The following DNAH3 variants were observed in gnomAD, a reference collection of about 807,000 sequenced individuals.
DNAH3 encodes dynein axonemal heavy chain 3.
Under a neutral mutation model 432.5 loss-of-function variants are expected in DNAH3, and 332 were observed. The ratio of observed to expected loss-of-function variants is 0.77; its 90% CI spans 0.70 to 0.84. The LOEUF is 0.84. Among genes scored for constraint, DNAH3 ranks in the 40% least tolerant of loss-of-function variants. DNAH3 has a pLI of 0.00. For synonymous variants in DNAH3, 1,956 were observed against 1,900.2 expected (o/e 1.03, Z -0.76); for missense variants, 4,861 against 5,114.0 (o/e 0.95, Z 1.51).
exon 43 of DNAH3, chr16:21,000,319 G>A (rs2086957462): frequency 6.2e-7 from 1 of 1,614,170 alleles, no homozygotes; most frequent in Non-Finnish European, 8.5e-7. Context: ...GGTCTGATTG[G>A]CTGAGGTTCT....
chr16:21,050,125 T>A, intron 29 of DNAH3, 107 bp from the exon 30 acceptor site: 1 of 795,510 alleles, frequency 1.3e-6, no homozygotes, highest in Admixed American at 2.8e-5. Context: ...AGTGCAAAAG[T>A]GATTGCAGTT....
At chr16:21,126,755 C>T (rs955812818) in intron 8 of DNAH3, among the ~76,000 whole-genome samples, 8 of 152,040 alleles carry the variant, frequency 5.3e-5, no homozygotes, top group African/African-American at 7.2e-5. Context: ...TTTTTTTAAC[C>T]GCCTGAGCTC....
intron 50 of DNAH3, among the ~76,000 whole-genome samples, chr16:20,976,547 A>G (rs1246523836): frequency 1.3e-5 from 2 of 152,242 alleles, no homozygotes; most frequent in Non-Finnish European, 2.9e-5. Context: ...GAAAAAAGAC[A>G]GCTGAGATAG....
At chr16:21,068,648 T>C (rs1361727776) in intron 23 of DNAH3, among the ~76,000 whole-genome samples, 3 of 152,222 alleles carry the variant, frequency 2.0e-5, no homozygotes, top group Non-Finnish European at 4.4e-5. Flanking sequence ...AGAAATCATA[T>C]TCTTGCCACC....
chr16:21,026,330 A>C (rs1452500460), intron 38 of DNAH3, among the ~76,000 whole-genome samples: 3 of 152,222 alleles, frequency 2.0e-5, no homozygotes, highest in African/African-American at 4.8e-5. Flanking sequence ...TAAGCAAATT[A>C]ACGCAGGAAC....
At chr16:21,136,660 C>T (rs2092647426) in intron 5 of DNAH3, 147 bp from the exon 7 acceptor site, 1 of 729,164 alleles carries the variant, frequency 1.4e-6, no homozygotes, top group Admixed American at 2.4e-5. Flanking sequence ...GGGCCTGTCG[C>T]TTCACACTCA....
At chr16:21,134,687 TA>T (rs113026047) in intron 6 of DNAH3, among the ~76,000 whole-genome samples, 192 of 152,024 alleles carry the variant, frequency 1.3e-3, no homozygotes, top group African/African-American at 4.2e-3. Flanking sequence ...TTTATTTATT[TA>T]TTTATTTTTT....
At chr16:21,060,411 G>C in intron 25 of DNAH3, 55 bp from the exon 26 acceptor site, 1 of 1,379,192 alleles carries the variant, frequency 7.3e-7, no homozygotes, top group Non-Finnish European at 1.0e-6. Flanking sequence ...CAGAGGGAGG[G>C]AGAGTGGGCA....
intron 16 of DNAH3, chr16:21,104,250 A>G (rs2091899564): frequency 2.2e-6 from 1 of 447,298 alleles, no homozygotes; most frequent in Admixed American, 3.6e-5. Flanking sequence ...CAAGGCAGGA[A>G]GGGAAGACAT....
At chr16:21,067,179 G>T in intron 24 of DNAH3, 104 bp downstream of exon 24, 1 of 1,262,152 alleles carries the variant, frequency 7.9e-7, no homozygotes, top group Non-Finnish European at 1.2e-6. Context: ...CCAGGAAAGA[G>T]TATGGACTAG....
intron 41 of DNAH3, among the ~76,000 whole-genome samples, chr16:21,005,357 T>C (rs1429592579): frequency 7.0e-6 from 1 of 142,582 alleles, no homozygotes; most frequent in Non-Finnish European, 1.5e-5. Flanking sequence ...CCTTCCTCTC[T>C]TTCATTCTTT....
chr16:21,064,403 A>T (rs2090468464), intron 24 of DNAH3, among the ~76,000 whole-genome samples: 1 of 152,226 alleles, frequency 6.6e-6, no homozygotes, highest in African/African-American at 2.4e-5. Flanking sequence ...AGCCCAGCTC[A>T]ATCTGCCAAC....
intron 31 of DNAH3, among the ~76,000 whole-genome samples, chr16:21,048,631 C>G (rs979979838): frequency 1.3e-5 from 2 of 152,152 alleles, no homozygotes; most frequent in Non-Finnish European, 2.9e-5. Flanking sequence ...AGAAATCACC[C>G]GTCTTCTTCG....
At chr16:21,123,984 G>T (rs1326587320) in intron 9 of DNAH3, among the ~76,000 whole-genome samples, 1 of 137,912 alleles carries the variant, frequency 7.3e-6, no homozygotes, top group Non-Finnish European at 1.6e-5. Flanking sequence ...GTAGAGATAG[G>T]GTTTCACCAG....
At chr16:21,037,657 A>C (rs1974333672) in intron 34 of DNAH3, 104 bp downstream of exon 34, 2 of 979,542 alleles carry the variant, frequency 2.0e-6, no homozygotes, top group Non-Finnish European at 3.1e-6. Flanking sequence ...ATGCTGGCCA[A>C]AGAATGGAAG....
intron 19 of DNAH3, among the ~76,000 whole-genome samples, chr16:21,082,887 C>T (rs2152775307): frequency 6.6e-6 from 1 of 151,658 alleles, no homozygotes; most frequent in Admixed American, 6.6e-5. Flanking sequence ...TCACAGAGGG[C>T]CAGTTTTGGC....
chr16:21,104,674 C>A (rs537927503), intron 15 of DNAH3, 80 bp from the exon 16 acceptor site: 21 of 800,500 alleles, frequency 2.6e-5, no homozygotes, highest in Admixed American at 1.3e-4. Context: ...TTAGACAGAA[C>A]AAGAGGTCAA....
chr16:21,121,163 C>T lies in DNAH3; in HGVS notation c.1585-309G>A, dbSNP rs1026072248. 1.3e-5 allele frequency: 6 copies of T among 467,612 alleles called. No individual in the cohort carries two copies. The Admixed American group carries it at 1.6e-4, about 12-fold the overall frequency. 29.0% of individuals were successfully genotyped at this position (467,612 alleles called of 1,614,324 possible). On this transcript the variant is annotated intron_variant, in intron 10 of 61. Transcript: ENST00000261383. ...GCCAGCAAGACCCCACAGATCCCTT[C>T]CCTATATGGAACTGGACAATGGCCC...
chr16:21,134,009 T>C, intron 7 of DNAH3: 1 of 367,172 alleles, frequency 2.7e-6, no homozygotes, highest in Non-Finnish European at 4.9e-6. Context: ...GCTCCAAGTC[T>C]GTGCAATTAA....
Sources: allele counts gnomAD v4.1 joint callset (sites outside exome capture counted in the v4.1 genomes callset), GRCh38; gene constraint gnomAD v4.1.1; transcripts MANE v1.5; gene names NCBI Gene and HGNC (gene_info 2026-07-23, HGNC 2026-07-21).